LRRTM4: variants seen among roughly 807,000 people sequenced by gnomAD.
LRRTM4 encodes leucine rich repeat transmembrane neuronal 4.
Under a neutral mutation model 47.6 loss-of-function variants are expected in LRRTM4, and 25 were observed. The observed-to-expected ratio is 0.53, with a 90% confidence interval of 0.38 to 0.73. LRRTM4 has a LOEUF of 0.73. Among genes scored for constraint, LRRTM4 ranks in the 30% least tolerant of loss-of-function variants. The probability of loss-of-function intolerance (pLI) is 0.00; values close to 1 mark genes in which losing one functional copy is unlikely to be tolerated. For missense variants in LRRTM4, 638 were observed against 713.4 expected (o/e 0.89, Z 1.20); for synonymous variants, 311 against 269.5 (o/e 1.15, Z -1.51).
At chr2:77,490,542 C>T (rs1006075818) in intron 3 of LRRTM4, among the ~76,000 whole-genome samples, 1 of 152,030 alleles carries the variant, frequency 6.6e-6, no homozygotes, top group Non-Finnish European at 1.5e-5. Context: ...AAGAAAAATC[C>T]TTAGCGAATG....
intron 3 of LRRTM4, among the ~76,000 whole-genome samples, chr2:77,216,760 C>T (rs768598360): frequency 3.3e-5 from 5 of 151,146 alleles, no homozygotes; most frequent in African/African-American, 7.3e-5. Flanking sequence ...CTTAGTTGTG[C>T]ATCTGTATCA....
chr2:76,758,331 C>T (rs1361142321), intron 3 of LRRTM4, among the ~76,000 whole-genome samples: 7 of 152,120 alleles, frequency 4.6e-5, no homozygotes, highest in Admixed American at 6.6e-5. Context: ...TCTTTCTATC[C>T]TGTACCTCTG....
intron 3 of LRRTM4, among the ~76,000 whole-genome samples, chr2:77,052,600 A>G (rs1032264439): frequency 6.6e-6 from 1 of 152,112 alleles, no homozygotes; most frequent in Non-Finnish European, 1.5e-5. Flanking sequence ...ATCTGAAGGA[A>G]GAAGTCATAC....
chr2:76,813,367 G>T (rs780409356), intron 3 of LRRTM4, among the ~76,000 whole-genome samples: 1 of 152,018 alleles, frequency 6.6e-6, no homozygotes, highest in Non-Finnish European at 1.5e-5. Context: ...CTCATAAGAT[G>T]TCTTTTATCA....
chr2:76,830,316 A>G (rs1338338605), intron 3 of LRRTM4, among the ~76,000 whole-genome samples: 2 of 151,900 alleles, frequency 1.3e-5, no homozygotes, highest in Admixed American at 6.6e-5. Context: ...CTTAATAACT[A>G]TATGCCTTTT....
intron 3 of LRRTM4, among the ~76,000 whole-genome samples, chr2:76,814,042 A>C (rs1305733948): frequency 2.0e-5 from 3 of 151,834 alleles, no homozygotes; most frequent in African/African-American, 7.3e-5. Context: ...GACTTTCCTT[A>C]CTTTTGATGA....
intron 3 of LRRTM4, among the ~76,000 whole-genome samples, chr2:77,370,580 A>G (rs1434498964): frequency 6.6e-6 from 1 of 151,682 alleles, no homozygotes; most frequent in African/African-American, 2.4e-5. Context: ...TTGTTTTTGA[A>G]GTTTAGAAAT....
At chr2:76,753,533 C>T (rs75039029) in intron 3 of LRRTM4, among the ~76,000 whole-genome samples, 3,093 of 152,084 alleles carry the variant, frequency 0.02, 90 homozygotes, top group African/African-American at 0.064. Context: ...TTGTTCAGCT[C>T]GAGTATTTTT....
chr2:77,054,062 T>C (rs1679523551), intron 3 of LRRTM4, among the ~76,000 whole-genome samples: 1 of 152,190 alleles, frequency 6.6e-6, no homozygotes, highest in African/African-American at 2.4e-5. Context: ...AATCTGGCTT[T>C]GAATAGTCTC....
intron 3 of LRRTM4, among the ~76,000 whole-genome samples, chr2:77,152,229 A>T (rs1169574370): frequency 1.3e-5 from 2 of 152,190 alleles, no homozygotes; most frequent in Non-Finnish European, 2.9e-5. Context: ...TGACCCCAAG[A>T]GAGGGCAGAG....
intron 3 of LRRTM4, among the ~76,000 whole-genome samples, chr2:77,359,891 T>C (rs557109842): frequency 1.6e-4 from 24 of 152,186 alleles, no homozygotes; most frequent in Non-Finnish European, 2.9e-4. Context: ...TAAATTAACT[T>C]GAGATACATT....
At chr2:76,889,860 T>C (rs1211617078) in intron 3 of LRRTM4, among the ~76,000 whole-genome samples, 4 of 150,480 alleles carry the variant, frequency 2.7e-5, no homozygotes, top group Non-Finnish European at 5.9e-5. Context: ...AGAGGTGAGA[T>C]TGAGGTAGGA....
chr2:76,843,972 G>T lies in LRRTM4; in HGVS notation c.1552-95056C>A, dbSNP rs552224288. 1.3e-4 allele frequency among the ~76,000 whole-genome samples: 19 copies of T among 150,258 alleles called. No individual in the cohort carries two copies. In the South Asian group the frequency reaches 2.7e-3, roughly 22 times the overall value. On this transcript the variant is annotated intron_variant, in intron 3 of 3. Transcript: ENST00000409884. ...ACTGGAGTGCAGTGGCGTGATCTCG[G>T]CTCACTGCAAGCTCTGCCTCTCAGG...
intron 3 of LRRTM4, chr2:77,517,813 T>G: frequency 3.0e-6 from 3 of 985,858 alleles, no homozygotes; most frequent in Non-Finnish European, 3.6e-6. Context: ...AGATCCCTGT[T>G]GCATGCTTTC....
intron 3 of LRRTM4, among the ~76,000 whole-genome samples, chr2:77,081,961 A>G (rs937363049): frequency 6.6e-6 from 1 of 152,064 alleles, no homozygotes; most frequent in African/African-American, 2.4e-5. Context: ...CTTCTATCTA[A>G]ATTTCATCAC....
chr2:77,272,533 G>T (rs1307380959), intron 3 of LRRTM4, among the ~76,000 whole-genome samples: 1 of 152,136 alleles, frequency 6.6e-6, no homozygotes, highest in Non-Finnish European at 1.5e-5. Flanking sequence ...TTAAAACAAA[G>T]TGAGCCTTTT....
chr2:77,399,076 T>A (rs1409506608), intron 3 of LRRTM4, among the ~76,000 whole-genome samples: 2 of 151,834 alleles, frequency 1.3e-5, no homozygotes, highest in Admixed American at 6.6e-5. Flanking sequence ...ATAAACTCTA[T>A]GTCTTTTTCC....
chr2:77,241,513 G>C (rs1473432362), intron 3 of LRRTM4, among the ~76,000 whole-genome samples: 1 of 151,826 alleles, frequency 6.6e-6, no homozygotes, highest in African/African-American at 2.4e-5. Flanking sequence ...TAAACAAATT[G>C]AAAGGATTCA....
chr2:77,031,381 T>C (rs1046610071), intron 3 of LRRTM4, among the ~76,000 whole-genome samples: 7 of 152,172 alleles, frequency 4.6e-5, no homozygotes, highest in African/African-American at 1.7e-4. Flanking sequence ...CTACACAAGG[T>C]TTATTTTACT....
Sources: gnomAD v4.1 joint callset for allele counts (sites outside exome capture counted in the v4.1 genomes callset) on GRCh38, gnomAD v4.1.1 for gene constraint, MANE v1.5 for transcripts, NCBI Gene and HGNC (gene_info 2026-07-23, HGNC 2026-07-21) for gene names.